The following SLC24A2 variants were observed in gnomAD, a reference collection of about 807,000 sequenced individuals.
The protein encoded by SLC24A2 is sodium/potassium/calcium exchanger 2.
A neutral mutation model predicts 62.0 loss-of-function variants in SLC24A2; 36 were observed. That is an observed-to-expected ratio of 0.58 (90% CI 0.44 to 0.77). SLC24A2 has a LOEUF of 0.77. Among genes scored for constraint, SLC24A2 ranks in the 30% least tolerant of loss-of-function variants. SLC24A2 has a pLI of 0.00. For missense variants in SLC24A2, 846 were observed against 817.9 expected (o/e 1.03, Z -0.42); for synonymous variants, 358 against 294.0 (o/e 1.22, Z -2.23).
chr9:19,523,507 G>A (rs1249433317), intron 9 of SLC24A2, among the ~76,000 whole-genome samples: 1 of 152,050 alleles, frequency 6.6e-6, no homozygotes, highest in African/African-American at 2.4e-5. Flanking sequence ...CTGTTGCCCA[G>A]GCTGGAGTGC....
intron 5 of SLC24A2, among the ~76,000 whole-genome samples, chr9:19,592,482 C>G (rs1416014862): frequency 2.8e-4 from 12 of 42,434 alleles, no homozygotes; most frequent in East Asian, 6.0e-4. Context: ...ACCGACCTAC[C>G]TACCTACCTA....
At chr9:19,790,092 C>G (rs1823293820), upstream of SLC24A2, among the ~76,000 whole-genome samples, 1 of 150,284 alleles carries the variant, frequency 6.7e-6, no homozygotes, top group African/African-American at 2.4e-5. Flanking sequence ...GCATTCAAGA[C>G]TCAACTTTTC....
the SLC24A2 span, among the ~76,000 whole-genome samples, chr9:20,305,311 T>C: frequency 6.6e-6 from 1 of 152,050 alleles, no homozygotes; most frequent in East Asian, 1.9e-4. Flanking sequence ...TTTCACCATG[T>C]TGGTCAGGAT....
the SLC24A2 span, among the ~76,000 whole-genome samples, chr9:20,160,207 A>C: frequency 6.6e-6 from 1 of 151,484 alleles, no homozygotes; most frequent in Non-Finnish European, 1.5e-5. Flanking sequence ...AAAATACTTT[A>C]TAGTGCTAAA....
chr9:19,628,945 T>C (rs542111151), intron 2 of SLC24A2, among the ~76,000 whole-genome samples: 1 of 152,214 alleles, frequency 6.6e-6, no homozygotes, highest in East Asian at 1.9e-4. Flanking sequence ...TTGGAGGATG[T>C]GATTTTTTAA....
At chr9:20,196,242 G>A in the SLC24A2 span, among the ~76,000 whole-genome samples, 1 of 152,114 alleles carries the variant, frequency 6.6e-6, no homozygotes, top group Admixed American at 6.5e-5. Context: ...TTTACCTTAG[G>A]GAGATACCTG....
Position 19,708,757 on chromosome 9 carries a change from A to C in SLC24A2, c.930+77180T>G, listed in dbSNP as rs1274746715. On this transcript the variant is annotated intron_variant, in intron 2 of 10. Coordinates refer to ENST00000341998, the MANE Select transcript of SLC24A2 (RefSeq NM_020344.4). ...TTACATCTTATACAAAAATTAATTC[A>C]AGATGGATTAAAGACTTACATGTTA... 3.3e-5 allele frequency among the ~76,000 whole-genome samples: 5 copies of C among 152,230 alleles called. 1 individual carries two copies. Among genetic ancestry groups the C allele is most frequent in the African/African-American group, 1.2e-4 (5 of 41,460 alleles).
At chr9:19,584,311 A>AAAAC in intron 5 of SLC24A2, among the ~76,000 whole-genome samples, 1 of 152,070 alleles carries the variant, frequency 6.6e-6, no homozygotes, top group African/African-American at 2.4e-5. Context: ...AAAACAAAAC[A>AAAAC]AAACAAACAA....
chr9:20,079,918 A>G, the SLC24A2 span, among the ~76,000 whole-genome samples: 16 of 152,336 alleles, frequency 1.1e-4, no homozygotes, highest in Admixed American at 1.0e-3. Context: ...ACAACTTACA[A>G]GGGACATGAA....
At chr9:20,140,010 G>C in the SLC24A2 span, among the ~76,000 whole-genome samples, 1 of 152,192 alleles carries the variant, frequency 6.6e-6, no homozygotes, top group African/African-American at 2.4e-5. Flanking sequence ...ACTGATGCGT[G>C]CTGCTCATTA....
chr9:20,256,921 TAC>T, the SLC24A2 span, among the ~76,000 whole-genome samples: 1,313 of 119,482 alleles, frequency 0.011, 20 homozygotes, highest in African/African-American at 0.031. Flanking sequence ...CTCCAGCATG[TAC>T]ACACACACAC....
the SLC24A2 span, among the ~76,000 whole-genome samples, chr9:19,972,300 G>A: frequency 3.9e-5 from 6 of 152,274 alleles, no homozygotes; most frequent in South Asian, 2.1e-4. Flanking sequence ...GTCAAATGCC[G>A]TTAGTCAGGG....
At chr9:19,562,768 T>A (rs1389708813) in intron 7 of SLC24A2, among the ~76,000 whole-genome samples, 3 of 152,196 alleles carry the variant, frequency 2.0e-5, no homozygotes, top group Non-Finnish European at 2.9e-5. Flanking sequence ...GTGGATTTCT[T>A]TTTTAAGGCA....
the SLC24A2 span, among the ~76,000 whole-genome samples, chr9:20,012,288 C>T: frequency 1.3e-5 from 2 of 152,186 alleles, no homozygotes; most frequent in African/African-American, 4.8e-5. Context: ...ACACATCTCA[C>T]ATGGCAGCAG....
At chr9:19,784,201 T>C (rs1160872927) in intron 2 of SLC24A2, among the ~76,000 whole-genome samples, 2 of 152,216 alleles carry the variant, frequency 1.3e-5, no homozygotes, top group Non-Finnish European at 2.9e-5. Context: ...AAATACAGTC[T>C]ATAAACCTAT....
chr9:19,885,930 A>C, the SLC24A2 span, among the ~76,000 whole-genome samples: 2 of 152,090 alleles, frequency 1.3e-5, no homozygotes, highest in Non-Finnish European at 2.9e-5. Flanking sequence ...ACACAATCTC[A>C]TTCTTTTTTA....
chr9:20,301,971 G>T, the SLC24A2 span, among the ~76,000 whole-genome samples: 1 of 151,980 alleles, frequency 6.6e-6, no homozygotes, highest in Non-Finnish European at 1.5e-5. Flanking sequence ...TGCCTTTTCC[G>T]GAATGTCATA....
chr9:19,989,711 C>A, the SLC24A2 span, among the ~76,000 whole-genome samples: 4 of 152,216 alleles, frequency 2.6e-5, no homozygotes, highest in Admixed American at 2.6e-4. Flanking sequence ...GGAACCTAGA[C>A]AACTACATGG....
chr9:19,746,050 C>G (rs2118787960), intron 2 of SLC24A2, among the ~76,000 whole-genome samples: 1 of 151,674 alleles, frequency 6.6e-6, no homozygotes, highest in Admixed American at 6.6e-5. Flanking sequence ...AAAAAATCAT[C>G]CAGAATTCTA....
Sources: gnomAD v4.1 joint callset for allele counts (sites outside exome capture counted in the v4.1 genomes callset) on GRCh38, gnomAD v4.1.1 for gene constraint, MANE v1.5 for transcripts, NCBI Gene and HGNC (gene_info 2026-07-23, HGNC 2026-07-21) for gene names.